ADAMTSL1: variants seen among roughly 807,000 people sequenced by gnomAD.
ADAMTSL1 encodes the protein ADAMTS-like protein 1.
A neutral mutation model predicts 201.8 loss-of-function variants in ADAMTSL1; 126 were observed. The observed-to-expected ratio is 0.62, with a 90% confidence interval of 0.54 to 0.72. The LOEUF (loss-of-function observed/expected upper bound fraction) is 0.72, where lower values mean the gene tolerates loss of function less well. ADAMTSL1 is among the 30% of genes least tolerant of loss of function. ADAMTSL1 has a pLI of 0.00. For missense variants in ADAMTSL1, 2,679 were observed against 2,277.8 expected (o/e 1.18, Z -3.59); for synonymous variants, 1,121 against 903.4 (o/e 1.24, Z -4.32).
At chr9:18,693,474 A>T (rs1052159310) in intron 13 of ADAMTSL1, among the ~76,000 whole-genome samples, 2 of 152,140 alleles carry the variant, frequency 1.3e-5, no homozygotes, top group African/African-American at 4.8e-5. Flanking sequence ...GAGTTTTCTT[A>T]TGGTTTCTAT....
In ADAMTSL1 at chr9:18,904,633, C is replaced by CAAAAAAA. The variant is rs71333072; in HGVS notation, c.4852-1116_4852-1110dup. On this transcript the variant is annotated intron_variant, in intron 26 of 28. Transcript: ENST00000380548. Reference sequence around the variant, plus strand: ...TGGGCAACAGAAAGAGACCCTGCCTCAAAAAAAAAAAAAAAAAAAAAAAAA... The same window carrying CAAAAAAA: ...TGGGCAACAGAAAGAGACCCTGCCTCAAAAAAAAAAAAAAAAAAAAAAAAAAAAAAAA... Among the ~76,000 whole-genome samples, 42 of 15,006 alleles carry CAAAAAAA rather than the reference C, an allele frequency of 2.8e-3. 8 individuals carry two copies. Among genetic ancestry groups the CAAAAAAA allele is most frequent in the Non-Finnish European group, 3.8e-3 (32 of 8,422 alleles). The allele number at this position is 15,006 out of a possible 152,430, so 9.8% of individuals were successfully genotyped here.
rs186431113 is a variant in ADAMTSL1, at chr9:18,526,929, G to A, written c.192-6318G>A. Among the ~76,000 whole-genome samples, 10 of 152,226 alleles carry A rather than the reference G, an allele frequency of 6.6e-5. No individual in the cohort carries two copies. The East Asian group carries it at 1.4e-3, about 21-fold the overall frequency. ...CCTGGGGCTTGAATTGCGAAACATG[G>A]CTTTATGTCTTTTCTCTTGTAAAGA... is the stretch of plus-strand genomic sequence containing the variant. On this transcript the variant is annotated intron_variant, in intron 2 of 28. Coordinates refer to ENST00000380548, the MANE Select transcript of ADAMTSL1 (RefSeq NM_001040272.6).
intron 4 of ADAMTSL1, among the ~76,000 whole-genome samples, chr9:18,594,674 A>T (rs1824149649): frequency 1.3e-5 from 2 of 151,990 alleles, no homozygotes; most frequent in African/African-American, 4.8e-5. Context: ...AATTATTTTA[A>T]TTTCTCTATT....
At chr9:18,170,233 A>G (rs1371990686) in intron 2 of ADAMTSL1, among the ~76,000 whole-genome samples, 1 of 152,022 alleles carries the variant, frequency 6.6e-6, no homozygotes, top group African/African-American at 2.4e-5. Context: ...TTCTGATTTT[A>G]CTTTGTATTC....
intron 14 of ADAMTSL1, among the ~76,000 whole-genome samples, chr9:18,711,041 T>C (rs79103396): frequency 1.7e-3 from 257 of 152,202 alleles, no homozygotes; most frequent in Non-Finnish European, 2.9e-3. Context: ...GATACACTTA[T>C]GCATGAGCAA....
chr9:18,188,973 CTG>C (rs1020644007), intron 2 of ADAMTSL1, among the ~76,000 whole-genome samples: 2 of 152,160 alleles, frequency 1.3e-5, no homozygotes, highest in African/African-American at 4.8e-5. Context: ...TTAGGTCACA[CTG>C]TTAGCACCTT....
intron 7 of ADAMTSL1, among the ~76,000 whole-genome samples, chr9:18,655,393 A>T (rs1828561583): frequency 6.6e-6 from 1 of 152,216 alleles, no homozygotes; most frequent in Non-Finnish European, 1.5e-5. Flanking sequence ...TGATTATAGA[A>T]AGAAGAGCTT....
intron 3 of ADAMTSL1, among the ~76,000 whole-genome samples, chr9:18,557,713 A>C (rs1821187187): frequency 6.6e-6 from 1 of 152,048 alleles, no homozygotes; most frequent in East Asian, 1.9e-4. Flanking sequence ...CATGGCATTT[A>C]TCTTTTAATT....
intron 15 of ADAMTSL1, among the ~76,000 whole-genome samples, chr9:18,732,714 A>G (rs187936716): frequency 7.2e-5 from 11 of 152,316 alleles, no homozygotes; most frequent in Admixed American, 7.2e-4. Flanking sequence ...AAGAAGGAAC[A>G]AAGAGAGTAA....
chr9:18,828,913 C>T (rs1400557181), intron 22 of ADAMTSL1, among the ~76,000 whole-genome samples: 1 of 151,800 alleles, frequency 6.6e-6, no homozygotes, highest in Admixed American at 6.6e-5. Context: ...TTGCAGAATG[C>T]TGTTGAAATG....
chr9:18,594,788 T>C (rs1168501562), intron 4 of ADAMTSL1, among the ~76,000 whole-genome samples: 20 of 152,220 alleles, frequency 1.3e-4, no homozygotes, highest in Non-Finnish European at 2.8e-4. Context: ...GTCACACCTC[T>C]CCATCCCTTT....
At chr9:18,072,116 G>T (rs1297454323) in intron 1 of ADAMTSL1, among the ~76,000 whole-genome samples, 4 of 152,254 alleles carry the variant, frequency 2.6e-5, no homozygotes, top group African/African-American at 9.6e-5. Context: ...GTGCCGTGGG[G>T]ATCTTATTTT....
In ADAMTSL1 at chr9:18,869,785, C is replaced by A. The variant is rs899872476; in HGVS notation, c.4250-18046C>A. Among the ~76,000 whole-genome samples the A allele has an allele frequency of 5.7e-4, 87 of 152,224 alleles. 1 individual carries two copies. The highest frequency in any genetic ancestry group is 6.8e-3 in the Middle Eastern group (2 of 294). On this transcript the variant is annotated intron_variant, in intron 23 of 28. Transcript: ENST00000380548. ...CTATCTACTAATTCCAGCAATTTGA[C>A]TATGATGTGCATAGGTGGTTTGTAA...
chr9:18,000,808 G>C (rs13295278), intron 1 of ADAMTSL1, among the ~76,000 whole-genome samples: 42,987 of 151,922 alleles, frequency 0.28, 6,211 homozygotes, highest in South Asian at 0.34. Flanking sequence ...GGCCAGAGCG[G>C]CTCAGGTGAA....
At chr9:18,849,062 C>G (rs1006985736) in intron 23 of ADAMTSL1, among the ~76,000 whole-genome samples, 16 of 152,350 alleles carry the variant, frequency 1.1e-4, no homozygotes, top group South Asian at 2.1e-4. Flanking sequence ...AACCTCAGCT[C>G]TATGTCACCA....
At position 18,243,957 on chromosome 9, in the gene ADAMTSL1, C is replaced by T. The variant is rs113904152; in HGVS notation, c.207+79976C>T. The stretch of plus-strand genomic sequence containing the variant: ...ATGCTTAGTGCAGTCATATGCTCTT[C>T]TTCAATGAGATGTCAAAGGTATGCA... On this transcript the variant is annotated intron_variant, in intron 2 of 29. Transcript: ENST00000680146. Among the ~76,000 whole-genome samples the T allele has an allele frequency of 2.2e-3, 340 of 152,204 alleles. 1 individual carries two copies. The highest frequency in any genetic ancestry group is 3.0e-3 in the Non-Finnish European group (204 of 68,020).
chr9:17,945,819 G>T (rs1244541141), intron 1 of ADAMTSL1, among the ~76,000 whole-genome samples: 1 of 110,578 alleles, frequency 9.0e-6, no homozygotes, highest in Admixed American at 1.2e-4. Flanking sequence ...ACTGTTGTGG[G>T]GTGGGGGGAG....
chr9:18,622,457 A>C (rs761352462), intron 5 of ADAMTSL1, 88 bp downstream of exon 5: 1 of 1,571,714 alleles, frequency 6.4e-7, no homozygotes, highest in Non-Finnish European at 8.7e-7. Context: ...GCCAGGGAAC[A>C]ACACCTCCAC....
chr9:18,316,768 C>G (rs1250488319), intron 2 of ADAMTSL1, among the ~76,000 whole-genome samples: 2 of 152,122 alleles, frequency 1.3e-5, no homozygotes, highest in Non-Finnish European at 2.9e-5. Context: ...TAAAGACAGG[C>G]ATAGGAAATC....
Sources: gnomAD v4.1 joint callset for allele counts (sites outside exome capture counted in the v4.1 genomes callset) on GRCh38, gnomAD v4.1.1 for gene constraint, MANE v1.5 for transcripts, NCBI Gene and HGNC (gene_info 2026-07-23, HGNC 2026-07-21) for gene names.